KCNAB1: variants seen among roughly 807,000 people sequenced by gnomAD.
The protein encoded by KCNAB1 is voltage-gated potassium channel subunit beta-1.
In KCNAB1, 35 loss-of-function variants were observed where a neutral mutation model predicts 64.6. That is an observed-to-expected ratio of 0.54 (90% CI 0.41 to 0.72). KCNAB1 has a LOEUF of 0.72. Among genes scored for constraint, KCNAB1 ranks in the 30% least tolerant of loss-of-function variants. The pLI is 0.00. For synonymous variants in KCNAB1, 177 were observed against 183.8 expected (o/e 0.96, Z 0.30); for missense variants, 401 against 512.9 (o/e 0.78, Z 2.11).
upstream of KCNAB1, chr3:156,120,485 C>A: frequency 9.1e-7 from 1 of 1,095,844 alleles, no homozygotes; most frequent in Non-Finnish European, 1.3e-6. Flanking sequence ...TCAATTACAG[C>A]TTTGTGGCAG....
chr3:156,520,339 G>T (rs1340037765), intron 11 of KCNAB1, among the ~76,000 whole-genome samples: 1 of 152,184 alleles, frequency 6.6e-6, no homozygotes, highest in African/African-American at 2.4e-5. Flanking sequence ...CTAGCACTTT[G>T]GGAGGTGGAG....
intron 1 of KCNAB1, among the ~76,000 whole-genome samples, chr3:156,347,023 A>G (rs1724525789): frequency 6.6e-6 from 1 of 152,216 alleles, no homozygotes; most frequent in Non-Finnish European, 1.5e-5. Context: ...GTATTTGCTT[A>G]TAAGTCATTT....
intron 1 of KCNAB1, among the ~76,000 whole-genome samples, chr3:156,396,058 C>A (rs1290279041): frequency 6.6e-6 from 1 of 152,150 alleles, no homozygotes; most frequent in African/African-American, 2.4e-5. Flanking sequence ...AATACAGTGA[C>A]CCCAAAAGGT....
rs931547277 is a variant in KCNAB1 at position 156,459,812 on chromosome 3, T to C, written c.438-15T>C. The C allele has an allele frequency of 6.3e-7, 1 of 1,597,924 alleles. No homozygotes were observed. The highest frequency in any genetic ancestry group is 1.3e-5 in the African/African-American group (1 of 74,302). On this transcript the variant is annotated splice_polypyrimidine_tract_variant and intron_variant, in intron 4 of 13. Coordinates refer to ENST00000490337, the MANE Select transcript of KCNAB1 (RefSeq NM_172160.3). ...GGACACTGCATTCTAAGACATTATC[T>C]GTTTCCCCTTCCAGGGCTGAAGTGA...
intron 1 of KCNAB1, among the ~76,000 whole-genome samples, chr3:156,132,849 A>G (rs1251077452): frequency 6.6e-6 from 1 of 152,214 alleles, no homozygotes; most frequent in Non-Finnish European, 1.5e-5. Flanking sequence ...TTTGAATGTA[A>G]TGTTGTTAAA....
In KCNAB1 at chr3:156,183,192, G is replaced by A. The variant is rs142649578; in HGVS notation, c.275+62306G>A. 2.5e-3 allele frequency among the ~76,000 whole-genome samples: 376 copies of A among 152,220 alleles called. 4 individuals carry two copies. The highest frequency in any genetic ancestry group is 8.7e-3 in the African/African-American group (360 of 41,532). ...AGCGCCCACGACAAGGGGTGGAGTT[G>A]GGGCATAGAGAACCCCGGGAGGGAG... On this transcript the variant is annotated intron_variant, in intron 1 of 13. Transcript: ENST00000490337.
At chr3:156,441,817 T>A (rs1300040304) in intron 2 of KCNAB1, among the ~76,000 whole-genome samples, 1 of 152,154 alleles carries the variant, frequency 6.6e-6, no homozygotes, top group Non-Finnish European at 1.5e-5. Flanking sequence ...GGAGAAAATA[T>A]GAGGAATTTT....
intron 1 of KCNAB1, among the ~76,000 whole-genome samples, chr3:156,360,468 G>C (rs556268313): frequency 6.6e-6 from 1 of 152,108 alleles, no homozygotes; most frequent in Non-Finnish European, 1.5e-5. Flanking sequence ...CCAGTGCTTC[G>C]GAAGGCTGAG....
chr3:156,424,939 G>A (rs535924378), intron 2 of KCNAB1, among the ~76,000 whole-genome samples: 93 of 152,190 alleles, frequency 6.1e-4, no homozygotes, highest in Admixed American at 1.1e-3. Flanking sequence ...TCATAGGGCT[G>A]ACTTGCTTCA....
At chr3:156,292,119 T>C in intron 1 of KCNAB1, 1 of 1,613,790 alleles carries the variant, frequency 6.2e-7, no homozygotes, top group Non-Finnish European at 8.5e-7. Context: ...CAGACTGGCA[T>C]GAAATATAGG....
rs1718108730 is a variant in KCNAB1 at position 156,523,761 on chromosome 3, A to G, written c.961-66A>G. On this transcript the variant is annotated intron_variant, in intron 11 of 13. Transcript: ENST00000490337. ...ATTATGAGGTTCACATATTTTATTG[A>G]ATTACCATTCTTTGACATCAGATCT... 2.1e-6 allele frequency: 3 copies of G among 1,461,826 alleles called. No homozygotes were observed. The Admixed American group carries it at 5.9e-5, about 29-fold the overall frequency. The allele number at this position is 1,461,826 out of a possible 1,614,324, so 90.6% of individuals were successfully genotyped here. A position where few individuals can be genotyped will look rare whatever the true frequency, so the allele number is the denominator to read the frequency against.
chr3:156,230,698 A>G (rs1229280794), intron 1 of KCNAB1, among the ~76,000 whole-genome samples: 1 of 152,092 alleles, frequency 6.6e-6, no homozygotes, highest in Non-Finnish European at 1.5e-5. Context: ...AACACGAGGG[A>G]TGATGAGATA....
At chr3:156,223,789 C>G (rs946505787) in intron 1 of KCNAB1, among the ~76,000 whole-genome samples, 2 of 152,194 alleles carry the variant, frequency 1.3e-5, no homozygotes, top group Admixed American at 1.3e-4. Flanking sequence ...TTCACAATCC[C>G]CTAGCTAGAC....
chr3:156,463,645 G>T, intron 5 of KCNAB1, 57 bp from the exon 6 acceptor site: 1 of 1,296,586 alleles, frequency 7.7e-7, no homozygotes, highest in South Asian at 1.3e-5. Context: ...AATATGACTC[G>T]GTACAATAAC....
At chr3:156,500,070 T>C (rs1440760695) in intron 8 of KCNAB1, among the ~76,000 whole-genome samples, 1 of 152,136 alleles carries the variant, frequency 6.6e-6, no homozygotes, top group Admixed American at 6.5e-5. Context: ...AGGCTCTGGG[T>C]TGTAAGCTAA....
At chr3:156,335,784 T>G (rs538288045) in intron 1 of KCNAB1, among the ~76,000 whole-genome samples, 1 of 150,548 alleles carries the variant, frequency 6.6e-6, no homozygotes, top group African/African-American at 2.4e-5. Flanking sequence ...TGTGCTTAGA[T>G]AGAAAGAACA....
intron 11 of KCNAB1, among the ~76,000 whole-genome samples, chr3:156,521,923 T>A (rs9831425): frequency 0.51 from 75,817 of 149,374 alleles, 20,569 homozygotes; most frequent in Admixed American, 0.64. Context: ...GAACATGGAT[T>A]GGGACTCAAT....
intron 1 of KCNAB1, among the ~76,000 whole-genome samples, chr3:156,409,983 C>T (rs1391958428): frequency 6.6e-6 from 1 of 152,168 alleles, no homozygotes; most frequent in Non-Finnish European, 1.5e-5. Flanking sequence ...CATTTACTAG[C>T]TCTTGATGCA....
intron 1 of KCNAB1, among the ~76,000 whole-genome samples, chr3:156,341,467 A>G (rs1264971279): frequency 6.6e-6 from 1 of 152,164 alleles, no homozygotes. Context: ...GGCCTGACAC[A>G]TGTCATTCAA....
Sources: gnomAD v4.1 joint callset for allele counts (sites outside exome capture counted in the v4.1 genomes callset) on GRCh38, gnomAD v4.1.1 for gene constraint, MANE v1.5 for transcripts, NCBI Gene and HGNC (gene_info 2026-07-23, HGNC 2026-07-21) for gene names.